Variants in FAM131B observed in about 807,000 individuals in gnomAD.
FAM131B encodes family with sequence similarity 131 member B.
In FAM131B, 19 loss-of-function variants were observed where a neutral mutation model predicts 42.0. That is an observed-to-expected ratio of 0.45 (90% CI 0.32 to 0.66). The LOEUF is 0.66. Among genes scored for constraint, FAM131B ranks in the 30% least tolerant of loss-of-function variants. The pLI is 0.05. For missense variants in FAM131B, 370 were observed against 468.4 expected, an observed-to-expected ratio of 0.79 and a Z score of 1.94; for synonymous variants, 183 against 177.6, an observed-to-expected ratio of 1.03 and a Z score of -0.24.
rs1803765123 is a variant in FAM131B at position 143,358,107 on chromosome 7, G to C, written c.467-684C>G. On this transcript the variant is annotated intron_variant, in intron 5 of 6. Coordinates refer to ENST00000443739, the MANE Select transcript of FAM131B (RefSeq NM_001031690.3). The surrounding 1 kb of genome is among the most constrained non-coding windows in gnomAD (Gnocchi z 4.7). Reference sequence around the variant, plus strand: ...GATTGGAAGGAAAAGGGGATGGGTAGACCTGGGGATCCCTATTCTAGTCAA... The same window carrying C: ...GATTGGAAGGAAAAGGGGATGGGTACACCTGGGGATCCCTATTCTAGTCAA... 6.6e-6 allele frequency among the ~76,000 whole-genome samples: 1 copy of C among 152,182 alleles called. No homozygotes were observed. The highest frequency in any genetic ancestry group is 2.4e-5 in the African/African-American group (1 of 41,444).
At chr7:143,372,640 T>G in the FAM131B span, among the ~76,000 whole-genome samples, 3 of 152,164 alleles carry the variant, frequency 2.0e-5, no homozygotes, top group African/African-American at 7.2e-5. Context: ...CATGACTTAG[T>G]GCCAAAAAAG....
chr7:143,357,187 G>T, intron 6 of FAM131B, 93 bp downstream of exon 6: 1 of 1,368,568 alleles, frequency 7.3e-7, no homozygotes, highest in Non-Finnish European at 1.0e-6. Context: ...GATGGACAAG[G>T]AAGTCTTAAA....
upstream of FAM131B, among the ~76,000 whole-genome samples, chr7:143,367,225 A>G (rs1247363437): frequency 1.3e-5 from 2 of 152,242 alleles, no homozygotes; most frequent in African/African-American, 2.4e-5. Flanking sequence ...GAGAGGGTCC[A>G]TGGCAGAAGT....
chr7:143,369,577 A>T, the FAM131B span, among the ~76,000 whole-genome samples: 1 of 151,452 alleles, frequency 6.6e-6, no homozygotes, highest in Non-Finnish European at 1.5e-5. Context: ...CGGGAGGCTG[A>T]GGCAGGAGAA....
At position 143,359,661 on chromosome 7, in the gene FAM131B, G is replaced by T. The variant is rs773829137; in HGVS notation, c.174+71C>A. 24 of 1,406,326 alleles carry T rather than the reference G, an allele frequency of 1.7e-5. No homozygotes were observed. In the East Asian group the frequency reaches 5.7e-4, roughly 33 times the overall value. The allele number at this position is 1,406,326 out of a possible 1,614,324, so 87.1% of individuals were successfully genotyped here. A position where few individuals can be genotyped will look rare whatever the true frequency, so the allele number is the denominator to read the frequency against. ...GAGCCAGGGAATACCGTGCTGGTTGGAAGGTGCAAGGGAGAAGATGAGGAG... is the reference window on the plus strand; with the variant it reads ...GAGCCAGGGAATACCGTGCTGGTTGTAAGGTGCAAGGGAGAAGATGAGGAG... On this transcript the variant is annotated intron_variant, in intron 3 of 6. Transcript: ENST00000443739. The surrounding 1 kb of genome is among the most constrained non-coding windows in gnomAD (Gnocchi z 5.4).
chr7:143,371,160 T>C, the FAM131B span, among the ~76,000 whole-genome samples: 1 of 152,186 alleles, frequency 6.6e-6, no homozygotes, highest in South Asian at 2.1e-4. Context: ...CTCTAGGTTC[T>C]ACGATCCAAA....
the FAM131B span, chr7:143,381,513 C>T: frequency 2.6e-6 from 4 of 1,556,326 alleles, no homozygotes; most frequent in Non-Finnish European, 3.5e-6. Context: ...GCCTGGGGCT[C>T]CTGAGCCCGG....
intron 1 of FAM131B, chr7:143,361,527 AGAGT>A (rs1227627177): frequency 4.0e-5 from 6 of 149,854 alleles, no homozygotes; most frequent in Non-Finnish European, 7.4e-5. Context: ...AGGCTTCTGG[AGAGT>A]GAGTTTGTTT....
rs1419342665 is a variant in FAM131B at position 143,356,383 on chromosome 7, T to C, written c.*167A>G. 1.5e-5 allele frequency: 9 copies of C among 608,836 alleles called. No individual in the cohort carries two copies. Among genetic ancestry groups the C allele is most frequent in the Non-Finnish European group, 2.6e-5 (9 of 346,392 alleles). 37.7% of individuals were successfully genotyped at this position (608,836 alleles called of 1,614,324 possible). A position where few individuals can be genotyped will look rare whatever the true frequency, so the allele number is the denominator to read the frequency against. ...CCTGTGGGTTTCTAGAGTGTAAGCC[T>C]GGATAAAATCCCATCCTGGTCCTCC... is the stretch of plus-strand genomic sequence containing the variant. On this transcript the variant is annotated 3_prime_UTR_variant, in exon 7 of 7. Transcript: ENST00000443739. This position sits in a 1 kb window ranked among gnomAD's most constrained non-coding sequence, Gnocchi z 4.4.
At chr7:143,378,956 T>G in the FAM131B span, among the ~76,000 whole-genome samples, 1 of 152,224 alleles carries the variant, frequency 6.6e-6, no homozygotes, top group East Asian at 1.9e-4. Context: ...TCTGGGATAC[T>G]CTGGGTGTTT....
rs572576396 is a variant in FAM131B at position 143,362,360 on chromosome 7, G to A, written c.28+216C>T. ...GGGAGGGCGACGGGGAGAAGGAAGCGAGCCGAGCGGGATGGCAGCCCCGGA... is the reference window on the plus strand; with the variant it reads ...GGGAGGGCGACGGGGAGAAGGAAGCAAGCCGAGCGGGATGGCAGCCCCGGA... On this transcript the variant is annotated intron_variant, in intron 1 of 6. Coordinates refer to ENST00000443739, the MANE Select transcript of FAM131B (RefSeq NM_001031690.3). This position sits in a 1 kb window ranked among gnomAD's most constrained non-coding sequence, Gnocchi z 7.7. Among the ~76,000 whole-genome samples, 1 of 152,164 alleles carries A rather than the reference G, an allele frequency of 6.6e-6. No homozygotes were observed. The highest frequency in any genetic ancestry group is 1.5e-5 in the Non-Finnish European group (1 of 68,020).
chr7:143,353,564 T>G lies in FAM131B; in HGVS notation c.*2986A>C, dbSNP rs1466696273. 1 of 152,590 alleles carries G rather than the reference T, an allele frequency of 6.6e-6. No homozygotes were observed. The highest frequency in any genetic ancestry group is 1.5e-5 in the Non-Finnish European group (1 of 68,046). The allele number at this position is 152,590 out of a possible 1,614,324, so 9.5% of individuals were successfully genotyped here. On this transcript the variant is annotated 3_prime_UTR_variant, in exon 7 of 7. Coordinates refer to ENST00000443739, the MANE Select transcript of FAM131B (RefSeq NM_001031690.3). ...GTGTACATAATCTCTAATATTTATATATATTGATATAGAATTCTCTCTATA... is the reference window on the plus strand; with the variant it reads ...GTGTACATAATCTCTAATATTTATAGATATTGATATAGAATTCTCTCTATA...
chr7:143,362,661 C>A lies in FAM131B; in HGVS notation c.-58G>T. The A allele has an allele frequency of 9.4e-7, 1 of 1,058,486 alleles. No individual in the cohort carries two copies. Among genetic ancestry groups the A allele is most frequent in the Non-Finnish European group, 1.2e-6 (1 of 842,840 alleles). 65.6% of individuals were successfully genotyped at this position (1,058,486 alleles called of 1,614,324 possible). ...GACTCGGGGCGCGCGCCGGGGGGAGCACCGGGAGCCGCGCCGCCGCCCCAG... is the reference window on the plus strand; with the variant it reads ...GACTCGGGGCGCGCGCCGGGGGGAGAACCGGGAGCCGCGCCGCCGCCCCAG... On this transcript the variant is annotated 5_prime_UTR_variant, in exon 1 of 7. Coordinates refer to ENST00000443739, the MANE Select transcript of FAM131B (RefSeq NM_001031690.3). This position sits in a 1 kb window ranked among gnomAD's most constrained non-coding sequence, Gnocchi z 7.7.
chr7:143,380,462 G>A, the FAM131B span: 1 of 985,322 alleles, frequency 1.0e-6, no homozygotes, highest in Non-Finnish European at 1.2e-6. The surrounding 1 kb of genome is among the most constrained non-coding windows in gnomAD (Gnocchi z 5.0). Flanking sequence ...AGTGGGTCGT[G>A]GTGGGCGTTG....
the FAM131B span, among the ~76,000 whole-genome samples, chr7:143,374,991 AG>A: frequency 6.6e-6 from 1 of 152,144 alleles, no homozygotes; most frequent in Non-Finnish European, 1.5e-5. Context: ...TATCTCCCAT[AG>A]GAGACCCTCC....
At chr7:143,376,820 G>A in the FAM131B span, among the ~76,000 whole-genome samples, 1 of 152,266 alleles carries the variant, frequency 6.6e-6, no homozygotes, top group African/African-American at 2.4e-5. Context: ...TCCAATATCA[G>A]GAAAAAGATA....
chr7:143,374,429 C>T, the FAM131B span, among the ~76,000 whole-genome samples: 1 of 152,154 alleles, frequency 6.6e-6, no homozygotes, highest in Non-Finnish European at 1.5e-5. Flanking sequence ...AATCTCCTCC[C>T]TTTCACCTCG....
chr7:143,378,514 T>C, the FAM131B span, among the ~76,000 whole-genome samples: 2 of 152,138 alleles, frequency 1.3e-5, no homozygotes, highest in Non-Finnish European at 2.9e-5. Flanking sequence ...CAATTAGAAT[T>C]GCTTACTTAA....
rs1166143928 is a variant in FAM131B, at chr7:143,359,148, A to G, written c.269-124T>C. On this transcript the variant is annotated intron_variant, in intron 4 of 6. Transcript: ENST00000443739. This position sits in a 1 kb window ranked among gnomAD's most constrained non-coding sequence, Gnocchi z 5.4. ...CCCACTGGGCCAGGCTCCCCTAAGG[A>G]CTCCATAGATGGGGTAGTGGAGGGA... The G allele has an allele frequency of 1.8e-6, 2 of 1,110,584 alleles. No homozygotes were observed. Among genetic ancestry groups the G allele is most frequent in the African/African-American group, 1.5e-5 (1 of 64,668 alleles). 68.8% of individuals were successfully genotyped at this position (1,110,584 alleles called of 1,614,324 possible).
Sources: gnomAD v4.1 joint callset for allele counts (sites outside exome capture counted in the v4.1 genomes callset) on GRCh38, gnomAD v4.1.1 for gene constraint, Gnocchi (gnomAD v3.1) non-coding constraint, MANE v1.5 for transcripts, NCBI Gene and HGNC (gene_info 2026-07-23, HGNC 2026-07-21) for gene names.